ELAVL2: variants seen among roughly 807,000 people sequenced by gnomAD.
ELAVL2 encodes ELAV-like protein 2.
Under a neutral mutation model 34.6 loss-of-function variants are expected in ELAVL2, and 4 were observed. That is an observed-to-expected ratio of 0.12 (90% CI 0.06 to 0.26). The LOEUF (loss-of-function observed/expected upper bound fraction) is 0.26. Ranked by LOEUF, ELAVL2 falls within the 10% of genes least tolerant of loss-of-function variation. The probability of loss-of-function intolerance (pLI) is 1.00; values close to 1 mark genes in which losing one functional copy is unlikely to be tolerated. For missense variants in ELAVL2, 432 were observed against 442.8 expected (o/e 0.98, Z 0.22); for synonymous variants, 193 against 154.8 (o/e 1.25, Z -1.83).
chr9:23,740,404 TGGGTTTCC>T (rs2048885359), intron 2 of ELAVL2, among the ~76,000 whole-genome samples: 4 of 152,232 alleles, frequency 2.6e-5, no homozygotes, highest in Non-Finnish European at 5.9e-5. Context: ...AAGGAGCAGC[TGGGTTTCC>T]ACACTACAAT....
At chr9:23,739,373 C>T (rs143133992) in intron 2 of ELAVL2, among the ~76,000 whole-genome samples, 4 of 152,214 alleles carry the variant, frequency 2.6e-5, no homozygotes, top group African/African-American at 9.6e-5. Flanking sequence ...AGAGCAAATG[C>T]CAAAATACCT....
intron 3 of ELAVL2, among the ~76,000 whole-genome samples, chr9:23,719,927 G>C (rs943591521): frequency 6.6e-6 from 1 of 150,754 alleles, no homozygotes; most frequent in Non-Finnish European, 1.5e-5. Flanking sequence ...CCGGGTTCAA[G>C]GGATTCTCCT....
intron 2 of ELAVL2, among the ~76,000 whole-genome samples, chr9:23,738,250 G>A (rs1198641614): frequency 6.6e-6 from 1 of 152,210 alleles, no homozygotes; most frequent in African/African-American, 2.4e-5. Context: ...AGGTTTGAGA[G>A]AATCTCAGAA....
chr9:23,757,559 A>G (rs886947159), intron 2 of ELAVL2, among the ~76,000 whole-genome samples: 1 of 151,588 alleles, frequency 6.6e-6, no homozygotes, highest in Non-Finnish European at 1.5e-5. Flanking sequence ...GCATCATAAA[A>G]TCCATTTCGT....
the ELAVL2 span, among the ~76,000 whole-genome samples, chr9:23,836,540 G>C: frequency 6.6e-6 from 1 of 152,144 alleles, no homozygotes; most frequent in African/African-American, 2.4e-5. Flanking sequence ...AAGGATACAT[G>C]AAAGTTTGAG....
chr9:23,828,145 G>C (rs917209090), upstream of ELAVL2, among the ~76,000 whole-genome samples: 3 of 151,966 alleles, frequency 2.0e-5, no homozygotes, highest in African/African-American at 7.2e-5. Context: ...GATTGGGTTT[G>C]TAGTCATCTT....
At chr9:23,741,717 T>C (rs1485125558) in intron 2 of ELAVL2, among the ~76,000 whole-genome samples, 1 of 152,146 alleles carries the variant, frequency 6.6e-6, no homozygotes, top group Non-Finnish European at 1.5e-5. Context: ...TTCAGACACC[T>C]GAGAGAGCCA....
intron 2 of ELAVL2, among the ~76,000 whole-genome samples, chr9:23,748,733 G>C (rs1225759931): frequency 6.6e-6 from 1 of 152,080 alleles, no homozygotes; most frequent in Non-Finnish European, 1.5e-5. Flanking sequence ...TTGAAGCCAG[G>C]CTACTTATTT....
At chr9:23,764,692 C>T (rs1302102830) in intron 1 of ELAVL2, among the ~76,000 whole-genome samples, 3 of 151,824 alleles carry the variant, frequency 2.0e-5, no homozygotes, top group Non-Finnish European at 1.5e-5. Context: ...TATAGAATTA[C>T]GGTAACTTAG....
At chr9:23,717,884 C>T (rs1299000263) in intron 3 of ELAVL2, among the ~76,000 whole-genome samples, 2 of 152,154 alleles carry the variant, frequency 1.3e-5, no homozygotes, top group Non-Finnish European at 2.9e-5. Context: ...ATTACAGATA[C>T]TCCCTGTCCA....
chr9:23,721,870 A>G (rs1196155387), intron 3 of ELAVL2, among the ~76,000 whole-genome samples: 1 of 152,180 alleles, frequency 6.6e-6, no homozygotes, highest in Non-Finnish European at 1.5e-5. Flanking sequence ...GAAACATACA[A>G]AATATGTGAT....
intron 5 of ELAVL2, among the ~76,000 whole-genome samples, chr9:23,696,631 G>C (rs1049116570): frequency 6.7e-6 from 1 of 149,886 alleles, no homozygotes; most frequent in African/African-American, 2.5e-5. Context: ...CACCACGTCC[G>C]GCTAATTTTT....
At chr9:23,818,366 T>C (rs1198702575) in intron 1 of ELAVL2, among the ~76,000 whole-genome samples, 2 of 152,168 alleles carry the variant, frequency 1.3e-5, no homozygotes, top group Non-Finnish European at 2.9e-5. Flanking sequence ...CAGGGTAACC[T>C]TGTCCAAAAA....
intron 2 of ELAVL2, among the ~76,000 whole-genome samples, chr9:23,742,896 G>C (rs1163829933): frequency 6.6e-6 from 1 of 152,090 alleles, no homozygotes; most frequent in East Asian, 1.9e-4. Context: ...ACACAGCACT[G>C]ATTTTTACAT....
intron 1 of ELAVL2, among the ~76,000 whole-genome samples, chr9:23,808,019 T>C (rs1325734407): frequency 6.6e-6 from 1 of 152,116 alleles, no homozygotes; most frequent in Non-Finnish European, 1.5e-5. Context: ...AGATCCATGG[T>C]GGGATAGAAG....
rs1443194845 is a variant in ELAVL2, at chr9:23,690,265, G to A, written c.*2292C>T. On this transcript the variant is annotated 3_prime_UTR_variant, in exon 7 of 7. Coordinates refer to ENST00000397312, the MANE Select transcript of ELAVL2 (RefSeq NM_004432.5). ...ACTGTACAACTTCAAATAAATACCA[G>A]CCTTACATTTTATTAAGTGCTCTGA... The A allele has an allele frequency of 1.3e-5, 2 of 152,500 alleles. No individual in the cohort carries two copies. The highest frequency in any genetic ancestry group is 4.8e-5 in the African/African-American group (2 of 41,424). 9.4% of individuals were successfully genotyped at this position (152,500 alleles called of 1,614,324 possible).
At chr9:23,825,391 G>A (rs546562952) in intron 1 of ELAVL2, among the ~76,000 whole-genome samples, 1 of 152,126 alleles carries the variant, frequency 6.6e-6, no homozygotes, top group Non-Finnish European at 1.5e-5. Flanking sequence ...GCCAGTCCAG[G>A]CTTCTGATTC....
intron 1 of ELAVL2, among the ~76,000 whole-genome samples, chr9:23,820,484 A>T (rs1282151762): frequency 2.6e-5 from 4 of 152,198 alleles, no homozygotes; most frequent in Admixed American, 1.3e-4. Flanking sequence ...AGGACTTGAA[A>T]ATCTTTGTCA....
intron 1 of ELAVL2, among the ~76,000 whole-genome samples, chr9:23,774,410 C>A (rs1291244156): frequency 6.6e-6 from 1 of 151,934 alleles, no homozygotes; most frequent in Non-Finnish European, 1.5e-5. Context: ...TTTTCCTAAT[C>A]ATGACTGTTA....
Sources: allele counts gnomAD v4.1 joint callset (sites outside exome capture counted in the v4.1 genomes callset), GRCh38; gene constraint gnomAD v4.1.1; transcripts MANE v1.5; gene names NCBI Gene and HGNC (gene_info 2026-07-23, HGNC 2026-07-21).